The following FHIT variants were observed in gnomAD, a reference collection of about 807,000 sequenced individuals.
FHIT encodes bis(5'-adenosyl)-triphosphatase.
FHIT carries 19 observed loss-of-function variants against 17.9 expected under a neutral mutation model. The observed-to-expected ratio is 1.06, with a 90% CI of 0.74 to 1.56. FHIT has a LOEUF of 1.56. Among genes scored for constraint, FHIT ranks in the 40% most tolerant of loss-of-function variants. The probability of loss-of-function intolerance (pLI) is 0.00; values close to 1 mark genes in which losing one functional copy is unlikely to be tolerated. For synonymous variants in FHIT, 81 were observed against 69.7 expected (o/e 1.16, Z -0.81); for missense variants, 248 against 189.2 (o/e 1.31, Z -1.82).
At chr3:60,576,384 T>C (rs2037566028) in intron 4 of FHIT, among the ~76,000 whole-genome samples, 1 of 151,974 alleles carries the variant, frequency 6.6e-6, no homozygotes, top group African/African-American at 2.4e-5. Context: ...AAGGGTATGG[T>C]GTCTGCAAAT....
chr3:60,356,384 T>A (rs1243992798), intron 5 of FHIT, among the ~76,000 whole-genome samples: 5 of 152,168 alleles, frequency 3.3e-5, no homozygotes. Flanking sequence ...ATCGCATAAT[T>A]TTTTATGTTC....
chr3:59,946,258 G>A (rs1706797064), intron 7 of FHIT, among the ~76,000 whole-genome samples: 1 of 152,058 alleles, frequency 6.6e-6, no homozygotes, highest in South Asian at 2.1e-4. Flanking sequence ...AGATGTATTA[G>A]GTATTTTTTT....
At chr3:61,128,029 T>C (rs557079264) in intron 2 of FHIT, among the ~76,000 whole-genome samples, 8 of 152,326 alleles carry the variant, frequency 5.3e-5, no homozygotes, top group Admixed American at 3.3e-4. Flanking sequence ...TGTGTGACAA[T>C]ACACTAGATT....
At chr3:61,004,569 T>A (rs2031316862) in intron 3 of FHIT, among the ~76,000 whole-genome samples, 3 of 152,174 alleles carry the variant, frequency 2.0e-5, no homozygotes, top group Non-Finnish European at 4.4e-5. Context: ...AGAGAAAGTC[T>A]GGTGGAGAGG....
chr3:61,189,111 G>A (rs1490709215), intron 2 of FHIT, among the ~76,000 whole-genome samples: 2 of 152,100 alleles, frequency 1.3e-5, no homozygotes, highest in Admixed American at 1.3e-4. Flanking sequence ...GGAAATAAAG[G>A]GTATTGAATT....
chr3:61,247,109 T>C (rs2040505758), intron 1 of FHIT, among the ~76,000 whole-genome samples: 1 of 151,092 alleles, frequency 6.6e-6, no homozygotes, highest in Non-Finnish European at 1.5e-5. Flanking sequence ...TTTACTGCTC[T>C]CACCAGAGCA....
chr3:60,827,059 C>T (rs1272368372), intron 3 of FHIT, among the ~76,000 whole-genome samples: 1 of 151,946 alleles, frequency 6.6e-6, no homozygotes, highest in African/African-American at 2.4e-5. Context: ...TTCATTTTTG[C>T]TGCTAATAAC....
intron 4 of FHIT, among the ~76,000 whole-genome samples, chr3:60,577,459 G>T (rs2037608275): frequency 6.6e-6 from 1 of 152,156 alleles, no homozygotes; most frequent in Admixed American, 6.6e-5. Context: ...AAGTGCAATA[G>T]TATTTTAATA....
intron 5 of FHIT, among the ~76,000 whole-genome samples, chr3:60,414,033 A>G (rs1702157465): frequency 6.6e-6 from 1 of 152,214 alleles, no homozygotes; most frequent in Non-Finnish European, 1.5e-5. Context: ...TATGAAGGAA[A>G]TAAATGAGGC....
At chr3:60,172,441 T>A (rs1045296134) in intron 5 of FHIT, among the ~76,000 whole-genome samples, 9 of 139,754 alleles carry the variant, frequency 6.4e-5, no homozygotes, top group Non-Finnish European at 1.2e-4. Flanking sequence ...AATTTTGTAT[T>A]TTTTTTTTTT....
chr3:60,174,534 A>G (rs1387772629), intron 5 of FHIT, among the ~76,000 whole-genome samples: 1 of 152,206 alleles, frequency 6.6e-6, no homozygotes, highest in East Asian at 1.9e-4. Flanking sequence ...TACTAGTGTT[A>G]CAAAACAGAA....
chr3:60,289,122 AAAAG>A, intron 5 of FHIT, among the ~76,000 whole-genome samples: 1 of 152,194 alleles, frequency 6.6e-6, no homozygotes, highest in Non-Finnish European at 1.5e-5. Context: ...AATTTACTTT[AAAAG>A]AAAGAGGAGG....
intron 8 of FHIT, among the ~76,000 whole-genome samples, chr3:59,902,975 G>A (rs1361574200): frequency 5.3e-5 from 8 of 152,150 alleles, no homozygotes; most frequent in African/African-American, 1.9e-4. Flanking sequence ...AGGTAACTAC[G>A]TGAGGTAAAG....
intron 5 of FHIT, among the ~76,000 whole-genome samples, chr3:60,321,055 A>T (rs1324460701): frequency 6.6e-6 from 1 of 152,242 alleles, no homozygotes; most frequent in Non-Finnish European, 1.5e-5. Context: ...ATGTGATCAC[A>T]GATACCGAAA....
At chr3:60,837,057 C>T (rs1039071442) in intron 3 of FHIT, among the ~76,000 whole-genome samples, 3 of 152,098 alleles carry the variant, frequency 2.0e-5, no homozygotes, top group Admixed American at 2.0e-4. Flanking sequence ...TTTAACTAGC[C>T]ACTTTGAAGT....
intron 5 of FHIT, among the ~76,000 whole-genome samples, chr3:60,365,512 G>A (rs1179577319): frequency 6.6e-6 from 1 of 152,030 alleles, no homozygotes; most frequent in Non-Finnish European, 1.5e-5. Context: ...ATAGCCTAAT[G>A]ACTCATTAAA....
chr3:60,562,797 G>A (rs998404451), intron 4 of FHIT, among the ~76,000 whole-genome samples: 2 of 152,132 alleles, frequency 1.3e-5, no homozygotes, highest in African/African-American at 4.8e-5. Flanking sequence ...AAGACCTAAA[G>A]TCATGTCCAC....
At chr3:60,927,474 C>T (rs1263291804) in intron 3 of FHIT, among the ~76,000 whole-genome samples, 1 of 152,148 alleles carries the variant, frequency 6.6e-6, no homozygotes, top group African/African-American at 2.4e-5. Context: ...GCCCCTCTGC[C>T]TGGCCACCCA....
At chr3:59,943,334 G>A (rs186778350) in intron 7 of FHIT, among the ~76,000 whole-genome samples, 1 of 152,182 alleles carries the variant, frequency 6.6e-6, no homozygotes, top group East Asian at 1.9e-4. Context: ...TGGATGGGGA[G>A]CAGACTAAAA....
Sources: gnomAD v4.1 joint callset for allele counts (sites outside exome capture counted in the v4.1 genomes callset) on GRCh38, gnomAD v4.1.1 for gene constraint, MANE v1.5 for transcripts, NCBI Gene and HGNC (gene_info 2026-07-23, HGNC 2026-07-21) for gene names.